The following SRSF11 variants were observed in gnomAD, a reference collection of about 807,000 sequenced individuals.
The protein encoded by SRSF11 is serine and arginine rich splicing factor 11.
SRSF11 carries 9 observed loss-of-function variants against 56.0 expected under a neutral mutation model. That is an observed-to-expected ratio of 0.16 (90% CI 0.10 to 0.28). The LOEUF (loss-of-function observed/expected upper bound fraction) is 0.28. SRSF11 is among the 10% of genes least tolerant of loss of function. The probability of loss-of-function intolerance (pLI) is 1.00; values close to 1 mark genes in which losing one functional copy is unlikely to be tolerated. For missense variants in SRSF11, 421 were observed against 600.7 expected, an observed-to-expected ratio of 0.70 and a Z score of 3.13; for synonymous variants, 222 against 215.3, an observed-to-expected ratio of 1.03 and a Z score of -0.27.
At chr1:70,229,159 C>T in intron 2 of SRSF11, 2 of 1,279,826 alleles carry the variant, frequency 1.6e-6, no homozygotes, top group South Asian at 2.5e-5. Flanking sequence ...TCTAGAATAT[C>T]TCTAAATAAT....
At position 70,221,536 on chromosome 1, in the gene SRSF11, C is replaced by T; in HGVS notation, c.-101C>T. ...CAGTAGCAGAGGCTGTAGCATCGGACACCCTCCTCTCTCCCGCAATCCGGT... is the reference window on the plus strand; with the variant it reads ...CAGTAGCAGAGGCTGTAGCATCGGATACCCTCCTCTCTCCCGCAATCCGGT... On this transcript the variant is annotated 5_prime_UTR_variant, in exon 1 of 12. Coordinates refer to ENST00000370949, the MANE Select transcript of SRSF11 (RefSeq NM_001350605.2). 6.9e-7 allele frequency: 1 copy of T among 1,449,616 alleles called. No homozygotes were observed. Among genetic ancestry groups the T allele is most frequent in the South Asian group, 1.4e-5 (1 of 71,850 alleles). 89.8% of individuals were successfully genotyped at this position (1,449,616 alleles called of 1,614,324 possible). A position where few individuals can be genotyped will look rare whatever the true frequency, so the allele number is the denominator to read the frequency against.
intron 1 of SRSF11, among the ~76,000 whole-genome samples, chr1:70,215,094 C>T (rs1210836267): frequency 1.3e-5 from 2 of 151,762 alleles, no homozygotes; most frequent in South Asian, 2.1e-4. Flanking sequence ...GGCGGGGTTT[C>T]GTCATTTTGG....
At chr1:70,247,824 T>C (rs1486194731) in intron 9 of SRSF11, among the ~76,000 whole-genome samples, 1 of 152,108 alleles carries the variant, frequency 6.6e-6, no homozygotes, top group Non-Finnish European at 1.5e-5. Context: ...AACTCAGCAA[T>C]AGACAGGCAA....
chr1:70,224,643 G>A (rs1419058319), intron 1 of SRSF11, among the ~76,000 whole-genome samples: 3 of 152,112 alleles, frequency 2.0e-5, no homozygotes, highest in Non-Finnish European at 4.4e-5. Flanking sequence ...GAGGTTTCCT[G>A]CATTGTCATT....
At position 70,253,010 on chromosome 1, in the gene SRSF11, T is replaced by C. The variant is rs1288776483; in HGVS notation, c.*2205T>C. 6.6e-6 allele frequency: 1 copy of C among 152,238 alleles called. No individual in the cohort carries two copies. The highest frequency in any genetic ancestry group is 1.5e-5 in the Non-Finnish European group (1 of 68,040). The allele number at this position is 152,238 out of a possible 1,614,324, so 9.4% of individuals were successfully genotyped here. On this transcript the variant is annotated 3_prime_UTR_variant, in exon 12 of 12. Coordinates refer to ENST00000370949, the MANE Select transcript of SRSF11 (RefSeq NM_001350605.2). Reference sequence around the variant, plus strand: ...ACACCGAGTTCTGTTGTGTATTTGATAGTAAATTGATTTAAAAATAAAAGT... The same window carrying C: ...ACACCGAGTTCTGTTGTGTATTTGACAGTAAATTGATTTAAAAATAAAAGT...
chr1:70,227,832 C>G (rs1672134576), intron 1 of SRSF11, among the ~76,000 whole-genome samples: 1 of 152,144 alleles, frequency 6.6e-6, no homozygotes, highest in South Asian at 2.1e-4. Context: ...CCATGTGTGC[C>G]TACATTTTTT....
rs913580139 is a variant in SRSF11, at chr1:70,228,550, CAGA to C, written c.335_337del (p.Glu112del). Reference sequence around the variant, plus strand: ...AGAGCTTTGATAGTCGTACCATATGCAGAAGGTTTGTGCTTTGTTTAACTACCT... The same window carrying C: ...AGAGCTTTGATAGTCGTACCATATGCAGGTTTGTGCTTTGTTTAACTACCT... On this transcript the variant is annotated inframe_deletion and splice_region_variant, in exon 2 of 12. Coordinates refer to ENST00000370949, the MANE Select transcript of SRSF11 (RefSeq NM_001350605.2). 3 of 1,612,470 alleles carry C rather than the reference CAGA, an allele frequency of 1.9e-6. No individual in the cohort carries two copies. The highest frequency in any genetic ancestry group is 2.5e-6 in the Non-Finnish European group (3 of 1,179,170).
chr1:70,239,362 G>A, intron 6 of SRSF11, 77 bp from the exon 7 acceptor site: 6 of 989,714 alleles, frequency 6.1e-6, no homozygotes, highest in Non-Finnish European at 6.1e-6. Flanking sequence ...ATAGTGCTGT[G>A]ATTACAGGCA....
chr1:70,224,275 G>A (rs1339901811), intron 1 of SRSF11, among the ~76,000 whole-genome samples: 1 of 152,070 alleles, frequency 6.6e-6, no homozygotes, highest in Non-Finnish European at 1.5e-5. Context: ...CCCCAAGAAG[G>A]CAGTGACATG....
intron 9 of SRSF11, chr1:70,249,294 G>A (rs188179730): frequency 2.6e-5 from 4 of 152,088 alleles, no homozygotes; most frequent in Non-Finnish European, 5.9e-5. Flanking sequence ...GAATTATTCT[G>A]TACTTACTCT....
intron 7 of SRSF11, among the ~76,000 whole-genome samples, chr1:70,239,971 T>C (rs537372931): frequency 6.6e-6 from 1 of 152,228 alleles, no homozygotes; most frequent in Non-Finnish European, 1.5e-5. Context: ...GGCAACAGAT[T>C]CATCTATTTT....
chr1:70,252,376 G>T lies in SRSF11; in HGVS notation c.*1571G>T, dbSNP rs917413472. ...GCTGTCAATATGTATCTACTGTACA[G>T]TACTAAATAGTATTCATTTATGAAA... On this transcript the variant is annotated 3_prime_UTR_variant, in exon 12 of 12. Transcript: ENST00000370949. 2.6e-5 allele frequency: 4 copies of T among 152,086 alleles called. No individual in the cohort carries two copies. Among genetic ancestry groups the T allele is most frequent in the Non-Finnish European group, 5.9e-5 (4 of 67,986 alleles). 9.4% of individuals were successfully genotyped at this position (152,086 alleles called of 1,614,324 possible).
intron 4 of SRSF11, 43 bp downstream of exon 4, chr1:70,234,831 A>G: frequency 6.7e-7 from 1 of 1,485,716 alleles, no homozygotes; most frequent in South Asian, 1.2e-5. Flanking sequence ...TTTTTACAGA[A>G]GATCTGTTTC....
rs779771631 is a variant in SRSF11 at position 70,235,472 on chromosome 1, C to A, written c.541-29C>A. 7.0e-6 allele frequency: 11 copies of A among 1,570,444 alleles called. No homozygotes were observed. The South Asian group carries it at 1.0e-4, about 15-fold the overall frequency. On this transcript the variant is annotated intron_variant, in intron 4 of 11. Transcript: ENST00000370949. ...TCGGTCATTTATTGTTTTATGTATT[C>A]TCATTATTCTTATGTTTTATTTTTA...
chr1:70,229,906 T>C, intron 2 of SRSF11: 4 of 985,332 alleles, frequency 4.1e-6, no homozygotes, highest in Non-Finnish European at 4.8e-6. Context: ...GATAGATAAA[T>C]TTTTGAGTTA....
intron 1 of SRSF11, among the ~76,000 whole-genome samples, chr1:70,209,423 T>C (rs984878769): frequency 2.0e-5 from 3 of 152,200 alleles, no homozygotes; most frequent in Non-Finnish European, 4.4e-5. Context: ...TTGAATTGTA[T>C]TGTGTTTATC....
At chr1:70,236,305 A>AT (rs945224704) in intron 5 of SRSF11, among the ~76,000 whole-genome samples, 60 of 143,030 alleles carry the variant, frequency 4.2e-4, no homozygotes, top group African/African-American at 1.5e-3. Context: ...GTTGTCTATA[A>AT]TTTTTTTTTC....
chr1:70,221,498 G>GCAC lies in SRSF11; in HGVS notation c.-138_-137insACC. The GCAC allele has an allele frequency of 8.0e-7, 1 of 1,245,214 alleles. No homozygotes were observed. Among genetic ancestry groups the GCAC allele is most frequent in the Admixed American group, 2.5e-5 (1 of 39,384 alleles). 77.1% of individuals were successfully genotyped at this position (1,245,214 alleles called of 1,614,324 possible). A position where few individuals can be genotyped will look rare whatever the true frequency, so the allele number is the denominator to read the frequency against. Reference sequence around the variant, plus strand: ...GGGCGGAGAAACGGCGGCGGCGGCGGCGGCATCGGCAGCAGTAGCAGAGGC... The same window carrying GCAC: ...GGGCGGAGAAACGGCGGCGGCGGCGGCACCGGCATCGGCAGCAGTAGCAGAGGC... On this transcript the variant is annotated 5_prime_UTR_variant, in exon 1 of 12. Transcript: ENST00000370949.
chr1:70,235,700 A>G (rs1332377767), intron 5 of SRSF11, 150 bp downstream of exon 5: 2 of 738,182 alleles, frequency 2.7e-6, no homozygotes, highest in African/African-American at 3.6e-5. Flanking sequence ...GGAGAGAAAT[A>G]CAGAAGTAAG....
Sources: allele counts gnomAD v4.1 joint callset (sites outside exome capture counted in the v4.1 genomes callset), GRCh38; gene constraint gnomAD v4.1.1; transcripts MANE v1.5; gene names NCBI Gene and HGNC (gene_info 2026-07-23, HGNC 2026-07-21).